PSD3: variants seen among roughly 807,000 people sequenced by gnomAD.
The protein encoded by PSD3 is pleckstrin and Sec7 domain containing 3, also known as PH and SEC7 domain-containing protein 3.
Under a neutral mutation model 105.5 loss-of-function variants are expected in PSD3, and 49 were observed. The observed-to-expected ratio is 0.46, with a 90% confidence interval of 0.37 to 0.59. The LOEUF is 0.59. Ranked by LOEUF, PSD3 falls within the 20% of genes least tolerant of loss-of-function variation. PSD3 has a pLI of 0.00. For synonymous variants in PSD3, 557 were observed against 457.8 expected (o/e 1.22, Z -2.77); for missense variants, 1,561 against 1,263.8 (o/e 1.24, Z -3.57).
intron 2 of PSD3, among the ~76,000 whole-genome samples, chr8:18,931,961 C>G (rs767785993): frequency 6.6e-6 from 1 of 152,200 alleles, no homozygotes; most frequent in Non-Finnish European, 1.5e-5. Flanking sequence ...TGGTCTCAAA[C>G]CTACCAATGA....
At chr8:18,712,147 TACTAAA>T (rs1554477902) in intron 9 of PSD3, among the ~76,000 whole-genome samples, 1 of 152,044 alleles carries the variant, frequency 6.6e-6, no homozygotes, top group Non-Finnish European at 1.5e-5. Context: ...ACATTTACAG[TACTAAA>T]TGCCCACAGC....
chr8:18,529,531 C>T lies in PSD3; in HGVS notation c.*6212G>A, dbSNP rs1799549392. ...TGAATCTCAGGAGGAGAGGACTAAC[C>T]ACATGCATGGTTACCCTAAATGGAA... is the stretch of plus-strand genomic sequence containing the variant. On this transcript the variant is annotated 3_prime_UTR_variant, in exon 16 of 16. Coordinates refer to ENST00000327040, the MANE Select transcript of PSD3 (RefSeq NM_015310.4). The T allele has an allele frequency of 6.6e-6, 1 of 152,558 alleles. No homozygotes were observed. The highest frequency in any genetic ancestry group is 1.5e-5 in the Non-Finnish European group (1 of 68,032). The allele number at this position is 152,558 out of a possible 1,614,324, so 9.5% of individuals were successfully genotyped here.
At chr8:18,900,168 C>A (rs1253495163) in intron 2 of PSD3, among the ~76,000 whole-genome samples, 1 of 152,084 alleles carries the variant, frequency 6.6e-6, no homozygotes, top group Non-Finnish European at 1.5e-5. Context: ...ATTATCGAAC[C>A]ATCTTTTGCT....
chr8:18,604,689 A>C (rs1804682230), intron 11 of PSD3, among the ~76,000 whole-genome samples: 1 of 152,194 alleles, frequency 6.6e-6, no homozygotes, highest in South Asian at 2.1e-4. Flanking sequence ...GCCCCTCTCG[A>C]GGCCTAGGAG....
At chr8:18,549,181 T>A (rs1483588661) in intron 15 of PSD3, among the ~76,000 whole-genome samples, 1 of 15,534 alleles carries the variant, frequency 6.4e-5, no homozygotes, top group Non-Finnish European at 2.4e-4. Flanking sequence ...TTCTCAGTTT[T>A]TTTTTTTTTT....
At chr8:18,678,761 G>A (rs979622691) in intron 9 of PSD3, among the ~76,000 whole-genome samples, 1 of 151,986 alleles carries the variant, frequency 6.6e-6, no homozygotes, top group African/African-American at 2.4e-5. Context: ...GCGGTGAGCC[G>A]AGATTGTGCC....
chr8:18,798,290 T>G (rs1305300385), intron 8 of PSD3, among the ~76,000 whole-genome samples: 1 of 152,160 alleles, frequency 6.6e-6, no homozygotes, highest in Non-Finnish European at 1.5e-5. Flanking sequence ...CTCTTATATA[T>G]GGCAAAAGGA....
intron 4 of PSD3, among the ~76,000 whole-genome samples, chr8:18,824,489 T>G (rs1306548505): frequency 6.6e-6 from 1 of 152,196 alleles, no homozygotes; most frequent in Non-Finnish European, 1.5e-5. Flanking sequence ...AGGGTTACTG[T>G]GGGGATTAAA....
At chr8:18,990,632 G>A (rs981421606) in intron 1 of PSD3, among the ~76,000 whole-genome samples, 7 of 152,092 alleles carry the variant, frequency 4.6e-5, no homozygotes, top group South Asian at 2.1e-4. Context: ...ATCCCCACCC[G>A]GGCAATCTAC....
At chr8:18,999,774 A>G (rs938085593) in intron 1 of PSD3, among the ~76,000 whole-genome samples, 2 of 151,608 alleles carry the variant, frequency 1.3e-5, no homozygotes, top group African/African-American at 4.9e-5. Flanking sequence ...TGGAATTACC[A>G]TTATCTTTCT....
rs151048620 is a variant in PSD3 at position 18,622,907 on chromosome 8, T to C, written c.2410+9706A>G. On this transcript the variant is annotated intron_variant, in intron 11 of 15. Transcript: ENST00000327040. ...CTTACAGGTTCAAGTTGCACAATAT[T>C]TATATTTTAATGTGTACCACAATTA... 1.3e-3 allele frequency among the ~76,000 whole-genome samples: 200 copies of C among 152,328 alleles called. 5 individuals are homozygous for C. Among genetic ancestry groups the C allele is most frequent in the Admixed American group, 0.012 (189 of 15,304 alleles).
At chr8:18,979,762 T>C (rs1429437794) in intron 1 of PSD3, 1 of 171,354 alleles carries the variant, frequency 5.8e-6, no homozygotes, top group African/African-American at 2.4e-5. Flanking sequence ...ATAGAAATTC[T>C]TGCTACAACT....
intron 1 of PSD3, among the ~76,000 whole-genome samples, chr8:18,959,762 G>A (rs1823798109): frequency 6.6e-6 from 1 of 152,174 alleles, no homozygotes; most frequent in African/African-American, 2.4e-5. Flanking sequence ...ACAAACTCAA[G>A]CCACGCCAGC....
intron 8 of PSD3, among the ~76,000 whole-genome samples, chr8:18,785,024 G>A (rs1191676578): frequency 6.6e-6 from 1 of 152,082 alleles, no homozygotes; most frequent in South Asian, 2.1e-4. Flanking sequence ...CCCTTGCTGA[G>A]CTTATCTAGG....
At chr8:18,635,381 T>A (rs11782409) in intron 10 of PSD3, among the ~76,000 whole-genome samples, 1 of 152,142 alleles carries the variant, frequency 6.6e-6, no homozygotes, top group African/African-American at 2.4e-5. Flanking sequence ...GATACAGTTA[T>A]GTATCATATA....
intron 10 of PSD3, among the ~76,000 whole-genome samples, chr8:18,643,586 G>A (rs921232948): frequency 6.6e-6 from 1 of 152,144 alleles, no homozygotes; most frequent in Non-Finnish European, 1.5e-5. Context: ...TTCCAAAAGG[G>A]AGAAATAGGC....
In PSD3 at chr8:18,632,766, C is replaced by T; in HGVS notation, c.2257G>A (p.Glu753Lys). Residue 753 changes from glutamate (E) to lysine (K), a missense_variant, in exon 11 of 16, where the codon GAG becomes AAG. Transcript: ENST00000327040. ...EKKKSPSEST[E>K]EKANGTHPKT... ...GGATGTGTTCCGTTAGCTTTCTCCT[C>T]AGTACTTTCTGAGGGAGACTTTTTT... is the stretch of plus-strand genomic sequence containing the variant. 4 of 1,602,696 alleles carry T rather than the reference C, an allele frequency of 2.5e-6. No homozygotes were observed. The highest frequency in any genetic ancestry group is 3.4e-6 in the Non-Finnish European group (4 of 1,171,606).
In PSD3 at chr8:18,687,775, A is replaced by AT. The variant is rs34443368; in HGVS notation, c.2173-32091dup. On this transcript the variant is annotated intron_variant, in intron 9 of 15. Transcript: ENST00000327040. ...TGGAAGCATGATATATATTTTTGCT[A>AT]TTTTTTTTTAAGATGGAGTCTTGCT... is the stretch of plus-strand genomic sequence containing the variant. Among the ~76,000 whole-genome samples, 16 of 150,478 alleles carry AT rather than the reference A, an allele frequency of 1.1e-4. 1 individual carries two copies. Among genetic ancestry groups the AT allele is most frequent in the East Asian group, 3.9e-4 (2 of 5,108 alleles).
At chr8:18,834,791 C>T (rs563809434) in intron 4 of PSD3, among the ~76,000 whole-genome samples, 4 of 152,286 alleles carry the variant, frequency 2.6e-5, no homozygotes, top group African/African-American at 9.6e-5. Context: ...GTTCTTGTGT[C>T]TGGGAGGTCT....
Sources: allele counts gnomAD v4.1 joint callset (sites outside exome capture counted in the v4.1 genomes callset), GRCh38; gene constraint gnomAD v4.1.1; transcripts MANE v1.5; gene names NCBI Gene and HGNC (gene_info 2026-07-23, HGNC 2026-07-21).